GSE1: variants seen among roughly 807,000 people sequenced by gnomAD.
GSE1 encodes the protein Gse1 coiled-coil protein.
GSE1 carries 32 observed loss-of-function variants against 112.6 expected under a neutral mutation model. That is an observed-to-expected ratio of 0.28 (90% CI 0.21 to 0.38). The LOEUF (loss-of-function observed/expected upper bound fraction) is 0.38. Ranked by LOEUF, GSE1 falls within the 10% of genes least tolerant of loss-of-function variation. GSE1 has a pLI of 1.00. For missense variants in GSE1, 2,348 were observed against 1,699.2 expected (o/e 1.38, Z -6.71); for synonymous variants, 1,115 against 735.6 (o/e 1.52, Z -8.35).
chr16:85,413,831 G>A (rs1220546748), intron 2 of GSE1, among the ~76,000 whole-genome samples: 1 of 152,164 alleles, frequency 6.6e-6, no homozygotes, highest in Non-Finnish European at 1.5e-5. Flanking sequence ...CTGGTGGGAG[G>A]TGACTAGATC....
intron 1 of GSE1, among the ~76,000 whole-genome samples, chr16:85,237,287 C>T (rs998101376): frequency 2.6e-5 from 4 of 152,094 alleles, no homozygotes; most frequent in Non-Finnish European, 2.9e-5. Context: ...CGCGCCACTG[C>T]ACTCCAGCCT....
intron 1 of GSE1, among the ~76,000 whole-genome samples, chr16:85,336,151 C>T (rs1287737922): frequency 6.6e-6 from 1 of 152,216 alleles, no homozygotes; most frequent in Admixed American, 6.5e-5. Context: ...TGCAGGACTC[C>T]AGGGTCACCA....
At chr16:85,618,546 A>C (rs937353813) in intron 1 of GSE1, among the ~76,000 whole-genome samples, 2 of 152,248 alleles carry the variant, frequency 1.3e-5, no homozygotes, top group Non-Finnish European at 2.9e-5. Context: ...TCTGTGGAAT[A>C]GGAATGACAA....
chr16:85,638,836 G>T (rs778224851), intron 2 of GSE1, among the ~76,000 whole-genome samples: 1 of 152,096 alleles, frequency 6.6e-6, no homozygotes, highest in African/African-American at 2.4e-5. Context: ...TCCCCGGTGG[G>T]GTTGGAAGGT....
At chr16:85,241,263 T>A (rs1245559126) in intron 1 of GSE1, among the ~76,000 whole-genome samples, 3 of 152,114 alleles carry the variant, frequency 2.0e-5, no homozygotes, top group African/African-American at 7.2e-5. Context: ...GGGCTGATGG[T>A]TTTCACCCTA....
upstream of GSE1, among the ~76,000 whole-genome samples, chr16:85,610,944 G>A (rs897739751): frequency 6.6e-6 from 1 of 152,210 alleles, no homozygotes; most frequent in Admixed American, 6.5e-5. Flanking sequence ...ACCTCCCAGT[G>A]GCCACTCCAC....
chr16:85,240,251 C>T (rs765265421), intron 1 of GSE1, among the ~76,000 whole-genome samples: 1 of 152,206 alleles, frequency 6.6e-6, no homozygotes, highest in Non-Finnish European at 1.5e-5. Flanking sequence ...TACCTGTTCC[C>T]TCCTCCCCAG....
intron 2 of GSE1, among the ~76,000 whole-genome samples, chr16:85,456,587 T>C (rs1275097111): frequency 4.2e-4 from 35 of 83,866 alleles, no homozygotes; most frequent in African/African-American, 2.1e-3. Context: ...GCCGTGTGTG[T>C]GTGTGTGTGT....
At chr16:85,199,373 A>G (rs913328529) in intron 1 of GSE1, among the ~76,000 whole-genome samples, 1 of 152,198 alleles carries the variant, frequency 6.6e-6, no homozygotes, top group South Asian at 2.1e-4. Context: ...GGCGAGAGCC[A>G]CAGTACCTGG....
rs370290687 is a variant in GSE1 at position 85,437,862 on chromosome 16, T to C, written c.2464+80219T>C. On this transcript the variant is annotated intron_variant, in intron 2 of 2. Coordinates refer to the GSE1 transcript ENST00000637419. The stretch of plus-strand genomic sequence containing the variant: ...ATCTCCCTCCCACCCTTTCGCTGTG[T>C]GGTGTCAGGCATGTTGCTGAACCTT... Among the ~76,000 whole-genome samples, 64 of 152,326 alleles carry C rather than the reference T, an allele frequency of 4.2e-4. 1 individual carries two copies. The South Asian group carries it at 0.013, about 30-fold the overall frequency.
chr16:85,476,540 C>T (rs538339027), intron 2 of GSE1, among the ~76,000 whole-genome samples: 18 of 151,782 alleles, frequency 1.2e-4, no homozygotes, highest in Admixed American at 5.9e-4. Flanking sequence ...GTTTTTGGTT[C>T]ATTATATTCC....
intron 2 of GSE1, among the ~76,000 whole-genome samples, chr16:85,400,425 T>C (rs1328329013): frequency 6.6e-6 from 1 of 152,100 alleles, no homozygotes; most frequent in Non-Finnish European, 1.5e-5. Flanking sequence ...TATGTCTTTG[T>C]GTGTGTCTCT....
At chr16:85,519,715 A>C (rs1357392289) in intron 2 of GSE1, among the ~76,000 whole-genome samples, 2 of 137,738 alleles carry the variant, frequency 1.5e-5, no homozygotes, top group Non-Finnish European at 3.2e-5. Context: ...CATCACTGTC[A>C]TCATCATCAC....
rs74276410 is a variant in GSE1 at position 85,309,502 on chromosome 16, T to TAATAAATAAATA, written c.2284-47951_2284-47940dup. Among the ~76,000 whole-genome samples, 302 of 150,826 alleles carry TAATAAATAAATA rather than the reference T, an allele frequency of 2.0e-3. 1 individual carries two copies. Among genetic ancestry groups the TAATAAATAAATA allele is most frequent in the Middle Eastern group, 6.8e-3 (2 of 294 alleles). Reference sequence around the variant, plus strand: ...GAGCCAGACCCTGTCTCTAAAACAATAATAAATAAATAAATAAATAAGAAG... The same window carrying TAATAAATAAATA: ...GAGCCAGACCCTGTCTCTAAAACAATAATAAATAAATAAATAAATAAATAAATAAATAAGAAG... On this transcript the variant is annotated intron_variant, in intron 1 of 2. Transcript: ENST00000637419.
intron 1 of GSE1, chr16:85,594,002 C>A (rs929293293): frequency 1.3e-5 from 2 of 152,284 alleles, no homozygotes. Flanking sequence ...GCGCTTCTTT[C>A]TCTCCAAGCG....
chr16:85,393,928 C>G (rs543812402), intron 2 of GSE1, among the ~76,000 whole-genome samples: 1 of 152,222 alleles, frequency 6.6e-6, no homozygotes, highest in Non-Finnish European at 1.5e-5. Context: ...GATGCAGGCC[C>G]ACTGGGGCGG....
chr16:85,272,242 G>C (rs1486202041), intron 1 of GSE1, among the ~76,000 whole-genome samples: 1 of 152,240 alleles, frequency 6.6e-6, no homozygotes, highest in East Asian at 1.9e-4. Flanking sequence ...AGGGGCCCCT[G>C]TCTTTGGCCG....
chr16:85,313,825 A>G (rs1360525993), intron 1 of GSE1, among the ~76,000 whole-genome samples: 2 of 152,216 alleles, frequency 1.3e-5, no homozygotes, highest in Admixed American at 6.5e-5. Context: ...ACCCTCGTAC[A>G]TGCCCACTGG....
At chr16:85,572,706 G>T (rs965972903) in intron 1 of GSE1, among the ~76,000 whole-genome samples, 2 of 152,180 alleles carry the variant, frequency 1.3e-5, no homozygotes, top group African/African-American at 4.8e-5. Flanking sequence ...GTTTCCGAGG[G>T]CTCCCCCAAC....
Sources: allele counts gnomAD v4.1 joint callset (sites outside exome capture counted in the v4.1 genomes callset), GRCh38; gene constraint gnomAD v4.1.1; transcripts MANE v1.5; gene names NCBI Gene and HGNC (gene_info 2026-07-23, HGNC 2026-07-21).